Variants in SLC30A7 observed in about 807,000 individuals in gnomAD.
SLC30A7 encodes the protein solute carrier family 30 member 7.
Under a neutral mutation model 46.0 loss-of-function variants are expected in SLC30A7, and 35 were observed. The ratio of observed to expected loss-of-function variants is 0.76; its 90% CI spans 0.58 to 1.01. The LOEUF is 1.01. Among genes scored for constraint, SLC30A7 ranks in the 50% least tolerant of loss-of-function variants. The pLI, the probability that SLC30A7 is intolerant of heterozygous loss-of-function variation, is 0.00. For synonymous variants in SLC30A7, 147 were observed against 157.8 expected (o/e 0.93, Z 0.51); for missense variants, 464 against 451.1 (o/e 1.03, Z -0.26).
the SLC30A7 span, among the ~76,000 whole-genome samples, chr1:100,991,172 C>T: frequency 6.6e-6 from 1 of 152,194 alleles, no homozygotes; most frequent in African/African-American, 2.4e-5. Flanking sequence ...AGATATGAGA[C>T]TAGTAGACTA....
chr1:100,951,592 G>A (rs1016085245), intron 8 of SLC30A7, among the ~76,000 whole-genome samples: 2 of 152,152 alleles, frequency 1.3e-5, no homozygotes, highest in Non-Finnish European at 2.9e-5. Flanking sequence ...ACTGCCCAGT[G>A]TGCTCATGCC....
chr1:100,980,580 A>C lies in SLC30A7; in HGVS notation c.*5723A>C, dbSNP rs2101112526. 1 of 152,212 alleles carries C rather than the reference A, an allele frequency of 6.6e-6. No homozygotes were observed. Among genetic ancestry groups the C allele is most frequent in the East Asian group, 1.9e-4 (1 of 5,190 alleles). 9.4% of individuals were successfully genotyped at this position (152,212 alleles called of 1,614,324 possible). ...ATAAGGGTTAGGGATAGGTAAAACC[A>C]GTAATTTACTGTTTTTTACAGAAGA... On this transcript the variant is annotated 3_prime_UTR_variant, in exon 11 of 11. Coordinates refer to ENST00000357650, the MANE Select transcript of SLC30A7 (RefSeq NM_133496.5).
At chr1:100,921,945 G>A in intron 8 of SLC30A7, 104 bp downstream of exon 8, 1 of 847,738 alleles carries the variant, frequency 1.2e-6, no homozygotes, top group Non-Finnish European at 1.6e-6. Flanking sequence ...GTTTTCCTTT[G>A]CTTGCTTTTT....
At chr1:100,987,758 TTA>T in the SLC30A7 span, among the ~76,000 whole-genome samples, 1 of 152,074 alleles carries the variant, frequency 6.6e-6, no homozygotes, top group Non-Finnish European at 1.5e-5. Flanking sequence ...CAGTCATTGT[TTA>T]TATGTTATAC....
chr1:100,948,484 T>C (rs1654771059), intron 8 of SLC30A7, among the ~76,000 whole-genome samples: 1 of 152,224 alleles, frequency 6.6e-6, no homozygotes, highest in African/African-American at 2.4e-5. Flanking sequence ...ATTTTTTTCC[T>C]GCATTTCAAC....
At chr1:100,943,511 G>A (rs538557116) in intron 8 of SLC30A7, among the ~76,000 whole-genome samples, 1 of 152,192 alleles carries the variant, frequency 6.6e-6, no homozygotes, top group Admixed American at 6.5e-5. Flanking sequence ...TGATTAATTG[G>A]CCATTGGTGA....
intron 8 of SLC30A7, among the ~76,000 whole-genome samples, chr1:100,929,093 AGTGTGT>A (rs71084856): frequency 6.7e-6 from 1 of 149,208 alleles, no homozygotes; most frequent in South Asian, 2.1e-4. Context: ...ATATATAGAG[AGTGTGT>A]GTGTGTGTGT....
the SLC30A7 span, chr1:100,992,585 T>G: frequency 7.5e-6 from 10 of 1,328,138 alleles, no homozygotes; most frequent in East Asian, 2.3e-5. Flanking sequence ...TATACACATC[T>G]AAATGTAGTA....
intron 8 of SLC30A7, chr1:100,941,066 C>A: frequency 3.1e-6 from 1 of 320,824 alleles, no homozygotes; most frequent in Non-Finnish European, 6.0e-6. Flanking sequence ...CTGCCACAGC[C>A]ACCTTGGTTT....
intron 6 of SLC30A7, among the ~76,000 whole-genome samples, chr1:100,914,805 C>T (rs1232403171): frequency 6.6e-6 from 1 of 151,974 alleles, no homozygotes; most frequent in Non-Finnish European, 1.5e-5. Flanking sequence ...CTAAGCCCTT[C>T]ATTTTTCAGT....
At chr1:100,941,712 T>G in intron 8 of SLC30A7, 2 of 643,920 alleles carry the variant, frequency 3.1e-6, no homozygotes, top group Admixed American at 3.6e-5. Context: ...GTTCCACAAC[T>G]CTTCCATCCA....
chr1:100,945,745 G>C (rs1009423903), intron 8 of SLC30A7, among the ~76,000 whole-genome samples: 1 of 152,018 alleles, frequency 6.6e-6, no homozygotes, highest in Non-Finnish European at 1.5e-5. Flanking sequence ...TGTTCTTTTT[G>C]CTTAGGATTG....
intron 2 of SLC30A7, among the ~76,000 whole-genome samples, chr1:100,901,086 C>T (rs1267352669): frequency 6.6e-6 from 1 of 152,126 alleles, no homozygotes; most frequent in Non-Finnish European, 1.5e-5. Flanking sequence ...TTTCATTATG[C>T]TTCTCTAAAA....
At position 100,921,773 on chromosome 1, in the gene SLC30A7, G is replaced by A. The variant is rs200864607; in HGVS notation, c.774G>A (p.Met258Ile). The A allele has an allele frequency of 8.7e-5, 141 of 1,612,682 alleles. No individual in the cohort carries two copies. Among genetic ancestry groups the A allele is most frequent in the Non-Finnish European group, 4.2e-6 (5 of 1,179,316 alleles). The change falls in exon 8 of 11, where the codon ATG becomes ATA. Residue 258 changes from methionine to isoleucine, a missense_variant. By Grantham distance (10) the Met-to-Ile change is conservative. Coordinates refer to ENST00000357650, the MANE Select transcript of SLC30A7 (RefSeq NM_133496.5). ...SIGVIASAIMMQNFGLMIADP... is the reference protein window; with the variant it reads ...SIGVIASAIMIQNFGLMIADP... ...GTGTAATTGCTTCTGCCATCATGAT[G>A]CAAAATTTTGGTCTGATGATAGCAG...
At chr1:100,969,417 T>C (rs1656032794) in intron 10 of SLC30A7, among the ~76,000 whole-genome samples, 1 of 152,204 alleles carries the variant, frequency 6.6e-6, no homozygotes, top group South Asian at 2.1e-4. Flanking sequence ...GGACACTCCA[T>C]ATTCTCCTAA....
chr1:100,911,507 AAGAT>A (rs1432802667), intron 4 of SLC30A7, among the ~76,000 whole-genome samples: 2 of 152,150 alleles, frequency 1.3e-5, no homozygotes, highest in Non-Finnish European at 2.9e-5. Flanking sequence ...AGAAGACTTA[AAGAT>A]TAGTGAACTT....
chr1:100,987,371 C>T, the SLC30A7 span, among the ~76,000 whole-genome samples: 2 of 152,152 alleles, frequency 1.3e-5, no homozygotes, highest in African/African-American at 4.8e-5. Flanking sequence ...TGTTAAATAG[C>T]TTGATATTTC....
chr1:100,917,997 T>C, intron 6 of SLC30A7, 80 bp from the exon 7 acceptor site: 1 of 1,139,900 alleles, frequency 8.8e-7, no homozygotes, highest in Non-Finnish European at 1.3e-6. Flanking sequence ...GATGATGCAT[T>C]TGAATGAAAA....
At chr1:100,901,211 C>A (rs1651287404) in intron 2 of SLC30A7, among the ~76,000 whole-genome samples, 2 of 152,060 alleles carry the variant, frequency 1.3e-5, no homozygotes, top group African/African-American at 4.8e-5. Context: ...CTCATAAATT[C>A]TTTTTACATT....
Sources: allele counts gnomAD v4.1 joint callset (sites outside exome capture counted in the v4.1 genomes callset), GRCh38; gene constraint gnomAD v4.1.1; transcripts MANE v1.5; gene names NCBI Gene and HGNC (gene_info 2026-07-23, HGNC 2026-07-21).